Variants in CEP126 observed in about 807,000 individuals in gnomAD.
CEP126 encodes the protein centrosomal protein of 126 kDa.
Under a neutral mutation model 107.8 loss-of-function variants are expected in CEP126, and 74 were observed. The observed-to-expected ratio is 0.69, with a 90% CI of 0.57 to 0.83. The LOEUF (loss-of-function observed/expected upper bound fraction) is 0.83. Ranked by LOEUF, CEP126 falls within the 40% of genes least tolerant of loss-of-function variation. The probability of loss-of-function intolerance (pLI) is 0.00; values close to 1 mark genes in which losing one functional copy is unlikely to be tolerated. For missense variants in CEP126, 1,237 were observed against 1,281.9 expected (o/e 0.96, Z 0.53); for synonymous variants, 449 against 446.0 (o/e 1.01, Z -0.08).
chr11:101,940,066 A>G (rs1021914510), intron 2 of CEP126, among the ~76,000 whole-genome samples: 10 of 152,226 alleles, frequency 6.6e-5, no homozygotes, highest in African/African-American at 2.4e-4. Context: ...TAGTGCTCTA[A>G]AAGAAAAATA....
chr11:101,938,037 C>T (rs947542459), intron 2 of CEP126, among the ~76,000 whole-genome samples: 1 of 151,120 alleles, frequency 6.6e-6, no homozygotes, highest in African/African-American at 2.4e-5. Flanking sequence ...CCTGTAGTCC[C>T]AGCTACTCGG....
At chr11:101,978,857 G>A (rs767401632) in intron 7 of CEP126, among the ~76,000 whole-genome samples, 5 of 152,148 alleles carry the variant, frequency 3.3e-5, no homozygotes, top group African/African-American at 1.2e-4. Flanking sequence ...GGCCAGGCGC[G>A]GTGGCTCACA....
chr11:102,000,050 C>T lies in CEP126; in HGVS notation c.*2407C>T, dbSNP rs4754828. The T allele has an allele frequency of 0.064, 9,674 of 152,132 alleles. 521 individuals carry two copies. Among genetic ancestry groups the T allele is most frequent in the East Asian group, 0.27 (1,383 of 5,152 alleles). The allele number at this position is 152,132 out of a possible 1,614,324, so 9.4% of individuals were successfully genotyped here. A position where few individuals can be genotyped will look rare whatever the true frequency, so the allele number is the denominator to read the frequency against. ...ACAAAAATAGCTGGGCATGGTGGCA[C>T]GCACCTCTACTCCCAGCTACTAGGA... is the stretch of plus-strand genomic sequence containing the variant. On this transcript the variant is annotated 3_prime_UTR_variant, in exon 11 of 11. Coordinates refer to ENST00000263468, the MANE Select transcript of CEP126 (RefSeq NM_020802.4).
In CEP126 at chr11:101,963,581, G is replaced by A. The variant is rs767006410; in HGVS notation, c.2546G>A (p.Ser849Asn). ...NSKHVLPTEH[S>N]LNQWNQESSS... ...AAACATGTGCTTCCAACAGAACACA[G>A]TTTGAATCAGTGGAATCAGGAAAGT... The change falls in exon 6 of 11, where the codon AGT (serine) becomes AAT (asparagine). Residue 849 changes from serine to asparagine, a missense_variant. Coordinates refer to ENST00000263468, the MANE Select transcript of CEP126 (RefSeq NM_020802.4). 6.8e-6 allele frequency: 11 copies of A among 1,614,134 alleles called. No homozygotes were observed. The highest frequency in any genetic ancestry group is 7.6e-6 in the Non-Finnish European group (9 of 1,180,016).
At chr11:101,961,529 C>T (rs1188309743) in intron 5 of CEP126, among the ~76,000 whole-genome samples, 2 of 151,952 alleles carry the variant, frequency 1.3e-5, no homozygotes, top group Non-Finnish European at 2.9e-5. Context: ...GAAATCAAAG[C>T]AAGCATACTA....
chr11:101,982,941 A>T (rs1333685724), intron 8 of CEP126, among the ~76,000 whole-genome samples: 1 of 152,176 alleles, frequency 6.6e-6, no homozygotes, highest in Non-Finnish European at 1.5e-5. Context: ...GGGAAAAAAG[A>T]TCCTCTCAGC....
At chr11:101,951,648 G>T (rs147148382) in intron 4 of CEP126, among the ~76,000 whole-genome samples, 191 of 152,112 alleles carry the variant, frequency 1.3e-3, no homozygotes, top group African/African-American at 4.3e-3. Flanking sequence ...AAGAATAGAT[G>T]AGTTTGGTAT....
chr11:101,916,020 T>G (rs2137073143), intron 1 of CEP126: 1 of 152,374 alleles, frequency 6.6e-6, no homozygotes, highest in Admixed American at 6.5e-5. Context: ...TAAGCCTACC[T>G]TTGATGTTGC....
chr11:101,969,898 T>A (rs1941105373), intron 6 of CEP126, among the ~76,000 whole-genome samples: 2 of 152,190 alleles, frequency 1.3e-5, no homozygotes, highest in Non-Finnish European at 2.9e-5. Context: ...GTAAAAATGA[T>A]CCTTATCTTA....
chr11:101,941,757 G>A (rs951044324), intron 2 of CEP126, among the ~76,000 whole-genome samples: 2 of 152,092 alleles, frequency 1.3e-5, no homozygotes, highest in African/African-American at 4.8e-5. Flanking sequence ...ATTTCCACCA[G>A]CAATGCATAA....
intron 1 of CEP126, among the ~76,000 whole-genome samples, chr11:101,917,555 C>A (rs1940242801): frequency 6.7e-6 from 1 of 150,368 alleles, no homozygotes; most frequent in Admixed American, 6.6e-5. Context: ...AAAGTTCTGT[C>A]ATTTCAATCT....
At chr11:101,976,294 T>G (rs1220778618) in intron 6 of CEP126, among the ~76,000 whole-genome samples, 1 of 152,210 alleles carries the variant, frequency 6.6e-6, no homozygotes, top group Non-Finnish European at 1.5e-5. Context: ...AAATGGTATC[T>G]CATTGTGGTT....
intron 9 of CEP126, among the ~76,000 whole-genome samples, chr11:101,990,332 C>T (rs923839966): frequency 1.3e-5 from 2 of 152,168 alleles, no homozygotes; most frequent in African/African-American, 4.8e-5. Context: ...CCATACAGAA[C>T]ATTTCCCCCT....
intron 4 of CEP126, among the ~76,000 whole-genome samples, chr11:101,953,804 G>GT (rs1385274327): frequency 6.6e-6 from 1 of 152,104 alleles, no homozygotes; most frequent in African/African-American, 2.4e-5. Flanking sequence ...CATATTATAT[G>GT]TGTCAATATA....
intron 4 of CEP126, among the ~76,000 whole-genome samples, chr11:101,954,775 G>A (rs1940862724): frequency 6.6e-6 from 1 of 152,048 alleles, no homozygotes; most frequent in South Asian, 2.1e-4. Flanking sequence ...CTTAAGTAAT[G>A]TATATGAAAG....
intron 2 of CEP126, among the ~76,000 whole-genome samples, chr11:101,939,505 C>A (rs1183897278): frequency 6.6e-6 from 1 of 152,168 alleles, no homozygotes; most frequent in African/African-American, 2.4e-5. Context: ...GCAATTGGGT[C>A]TTACTTTGTA....
At chr11:101,954,206 T>C (rs1940853847) in intron 4 of CEP126, among the ~76,000 whole-genome samples, 1 of 152,130 alleles carries the variant, frequency 6.6e-6, no homozygotes. Context: ...TTTTGTATTT[T>C]TAGTAGAGAC....
At chr11:101,940,350 A>G (rs183445548) in intron 2 of CEP126, among the ~76,000 whole-genome samples, 1 of 152,380 alleles carries the variant, frequency 6.6e-6, no homozygotes, top group East Asian at 1.9e-4. Context: ...AAATGCATGT[A>G]ATCCTTTTAA....
intron 6 of CEP126, among the ~76,000 whole-genome samples, chr11:101,973,740 T>G (rs575310668): frequency 6.6e-6 from 1 of 152,188 alleles, no homozygotes; most frequent in Admixed American, 6.5e-5. Context: ...GTCTGGAAAC[T>G]GAATATAATA....
Sources: allele counts gnomAD v4.1 joint callset (sites outside exome capture counted in the v4.1 genomes callset), GRCh38; gene constraint gnomAD v4.1.1; transcripts MANE v1.5; gene names NCBI Gene and HGNC (gene_info 2026-07-23, HGNC 2026-07-21).